The following IL1RAPL2 variants were observed in gnomAD, a reference collection of about 807,000 sequenced individuals.
IL1RAPL2 encodes the protein interleukin 1 receptor accessory protein like 2, also known as X-linked interleukin-1 receptor accessory protein-like 2.
Under a neutral mutation model 44.1 loss-of-function variants are expected in IL1RAPL2, and 3 were observed. That is an observed-to-expected ratio of 0.07 (90% CI 0.03 to 0.18). The LOEUF is 0.18. Ranked by LOEUF, IL1RAPL2 falls within the 10% of genes least tolerant of loss-of-function variation. The pLI is 1.00. For synonymous variants in IL1RAPL2, 181 were observed against 178.8 expected (o/e 1.01, Z -0.10); for missense variants, 391 against 496.4 (o/e 0.79, Z 2.02).
intron 1 of IL1RAPL2, among the ~76,000 whole-genome samples, chrX:104,639,777 G>A (rs1247798723): frequency 5.4e-5 from 6 of 111,668 alleles, no homozygotes; most frequent in Admixed American, 3.8e-4. Context: ...ACTTTTGCTG[G>A]ACATGTTATT....
rs1001998671 is a variant in IL1RAPL2, at chrX:105,585,360, CT to C, written c.772+100984del. Among the ~76,000 whole-genome samples the C allele has an allele frequency of 5.7e-3, 586 of 101,975 alleles. 5 individuals carry two copies. Among genetic ancestry groups the C allele is most frequent in the African/African-American group, 0.017 (482 of 28,339 alleles). 88.6% of individuals were successfully genotyped at this position (101,975 alleles called of 115,157 possible). ...GTTGAGGGATGCAGTTTTTTTATTA[CT>C]TTTTTTTTTTAATTTAAGTTCTGGA... On this transcript the variant is annotated intron_variant, in intron 6 of 10. Coordinates refer to ENST00000372582, the MANE Select transcript of IL1RAPL2 (RefSeq NM_017416.2).
At chrX:104,746,988 G>C (rs939710431) in intron 2 of IL1RAPL2, among the ~76,000 whole-genome samples, 1 of 111,498 alleles carries the variant, frequency 9.0e-6, no homozygotes, top group Non-Finnish European at 1.9e-5. Context: ...ATTTTATCCA[G>C]GCATGCAAAG....
At chrX:104,582,845 T>TTTCTTTCTTTCTTTCTTTCTTTCTTTC (rs1928430856) in intron 1 of IL1RAPL2, among the ~76,000 whole-genome samples, 1 of 86,358 alleles carries the variant, frequency 1.2e-5, no homozygotes, top group Non-Finnish European at 2.2e-5. Context: ...TCTTTCTTTC[T>TTTCTTTCTTTCTTTCTTTCTTTCTTTC]TTCTTTCTTT....
intron 1 of IL1RAPL2, among the ~76,000 whole-genome samples, chrX:104,653,509 T>C (rs933840666): frequency 2.7e-5 from 3 of 111,646 alleles, no homozygotes; most frequent in Non-Finnish European, 1.9e-5. Flanking sequence ...AGAAAAAGCC[T>C]GTTTTCCTTG....
chrX:105,073,364 G>A (rs2032238630), intron 2 of IL1RAPL2, among the ~76,000 whole-genome samples: 3 of 107,194 alleles, frequency 2.8e-5, no homozygotes, highest in Admixed American at 1.0e-4. Context: ...TCCCTACAAA[G>A]GACATGAACT....
chrX:104,905,341 T>C (rs200719952), intron 2 of IL1RAPL2, among the ~76,000 whole-genome samples: 107 of 111,479 alleles, frequency 9.6e-4, no homozygotes, highest in Non-Finnish European at 1.8e-3. Flanking sequence ...GCTTTTGTTG[T>C]CATTGCTTTT....
At chrX:104,644,978 G>C (rs1207438966) in intron 1 of IL1RAPL2, among the ~76,000 whole-genome samples, 1 of 111,361 alleles carries the variant, frequency 9.0e-6, no homozygotes, top group African/African-American at 3.3e-5. Context: ...GGACACTTTT[G>C]AGCCTCTGAC....
chrX:104,713,442 C>A (rs1189926232), intron 2 of IL1RAPL2, among the ~76,000 whole-genome samples: 1 of 110,887 alleles, frequency 9.0e-6, no homozygotes, highest in Admixed American at 9.7e-5. Context: ...ATCCCTTCCA[C>A]CTTACTCTTG....
At chrX:104,917,410 T>G (rs988551497) in intron 2 of IL1RAPL2, among the ~76,000 whole-genome samples, 7 of 112,213 alleles carry the variant, frequency 6.2e-5, no homozygotes, top group African/African-American at 1.3e-4. Context: ...AGAAGATTCC[T>G]TAGGTCAAAT....
intron 2 of IL1RAPL2, among the ~76,000 whole-genome samples, chrX:105,026,291 A>T (rs972227158): frequency 9.0e-6 from 1 of 110,915 alleles, no homozygotes; most frequent in African/African-American, 3.3e-5. Flanking sequence ...GAATATTTGC[A>T]TTATATTTAC....
intron 4 of IL1RAPL2, among the ~76,000 whole-genome samples, chrX:105,243,670 A>G (rs1603029490): frequency 9.4e-6 from 1 of 106,861 alleles, no homozygotes; most frequent in African/African-American, 3.4e-5. Context: ...TTTTAGTTCA[A>G]TAGGGTTTTC....
intron 3 of IL1RAPL2, among the ~76,000 whole-genome samples, chrX:105,196,484 C>T (rs781859196): frequency 1.8e-5 from 2 of 110,777 alleles, no homozygotes; most frequent in East Asian, 5.7e-4. Flanking sequence ...GTTTCAAATG[C>T]GTCTAGATTT....
chrX:105,210,670 C>T (rs1228436630), intron 3 of IL1RAPL2, among the ~76,000 whole-genome samples: 3 of 111,457 alleles, frequency 2.7e-5, no homozygotes, highest in Non-Finnish European at 5.7e-5. Flanking sequence ...TAGACAAGCC[C>T]GAGAACATTT....
At chrX:104,636,169 A>G (rs901615112) in intron 1 of IL1RAPL2, among the ~76,000 whole-genome samples, 3 of 111,750 alleles carry the variant, frequency 2.7e-5, no homozygotes, top group Non-Finnish European at 5.6e-5. Context: ...ATATTGGTGA[A>G]CAGCAAATGT....
chrX:105,066,300 C>A (rs1052799400), intron 2 of IL1RAPL2, among the ~76,000 whole-genome samples: 1 of 110,858 alleles, frequency 9.0e-6, no homozygotes, highest in Non-Finnish European at 1.9e-5. Context: ...CCCTTGTTGC[C>A]TATTAATTTT....
At chrX:105,522,328 G>T (rs1363215961) in intron 6 of IL1RAPL2, among the ~76,000 whole-genome samples, 3 of 112,345 alleles carry the variant, frequency 2.7e-5, no homozygotes, top group Middle Eastern at 4.6e-3. Context: ...TTAGTTATCA[G>T]AATGAATTTC....
At chrX:104,615,018 A>G (rs957777851) in intron 1 of IL1RAPL2, among the ~76,000 whole-genome samples, 2 of 111,209 alleles carry the variant, frequency 1.8e-5, no homozygotes, top group African/African-American at 6.5e-5. Context: ...TTTTGATCAT[A>G]TCATGAAGTT....
intron 6 of IL1RAPL2, among the ~76,000 whole-genome samples, chrX:105,714,673 C>T (rs2038242379): frequency 1.8e-5 from 2 of 111,597 alleles, no homozygotes; most frequent in Admixed American, 1.9e-4. Flanking sequence ...AAACACTAAC[C>T]CAGTTCCACA....
intron 1 of IL1RAPL2, among the ~76,000 whole-genome samples, chrX:104,601,297 C>T (rs1466063231): frequency 9.2e-6 from 1 of 108,428 alleles, no homozygotes; most frequent in Non-Finnish European, 1.9e-5. Flanking sequence ...CCACAACAGG[C>T]CCCCGTGTGT....
Sources: gnomAD v4.1 joint callset for allele counts (sites outside exome capture counted in the v4.1 genomes callset) on GRCh38, gnomAD v4.1.1 for gene constraint, MANE v1.5 for transcripts, NCBI Gene and HGNC (gene_info 2026-07-23, HGNC 2026-07-21) for gene names.